GAS7: variants seen among roughly 807,000 people sequenced by gnomAD.
GAS7 encodes the protein growth arrest specific 7.
In GAS7, 28 loss-of-function variants were observed where a neutral mutation model predicts 71.1. That is an observed-to-expected ratio of 0.39 (90% CI 0.29 to 0.54). The LOEUF is 0.54. Ranked by LOEUF, GAS7 falls within the 20% of genes least tolerant of loss-of-function variation. The pLI, the probability that GAS7 is intolerant of heterozygous loss-of-function variation, is 0.62. For missense variants in GAS7, 436 were observed against 627.8 expected, an observed-to-expected ratio of 0.69 and a Z score of 3.27; for synonymous variants, 258 against 245.8, an observed-to-expected ratio of 1.05 and a Z score of -0.46.
At position 10,180,617 on chromosome 17, in the gene GAS7, C is replaced by T. The variant is rs376098689; in HGVS notation, c.183+17591G>A. ...GTTTGCTGCCCTATATATACAATGA[C>T]TTCATGGAATCTGAGTTATTTGCCC... On this transcript the variant is annotated intron_variant, in intron 1 of 13. Transcript: ENST00000432992. 5.3e-5 allele frequency among the ~76,000 whole-genome samples: 8 copies of T among 152,236 alleles called. 1 individual carries two copies. Among genetic ancestry groups the T allele is most frequent in the African/African-American group, 7.2e-5 (3 of 41,556 alleles).
chr17:10,016,948 T>TAAA (rs2072048074), intron 2 of GAS7, among the ~76,000 whole-genome samples: 2 of 146,404 alleles, frequency 1.4e-5, no homozygotes, highest in African/African-American at 5.1e-5. Context: ...AGACCCTGTC[T>TAAA]CAAATAAATA....
intron 1 of GAS7, among the ~76,000 whole-genome samples, chr17:10,175,955 C>T (rs906191093): frequency 3.3e-5 from 5 of 152,210 alleles, no homozygotes; most frequent in African/African-American, 1.2e-4. Flanking sequence ...TCCCCTGGGG[C>T]CCCTCACTGT....
chr17:9,973,234 G>A (rs1304217581), intron 3 of GAS7, among the ~76,000 whole-genome samples: 6 of 151,606 alleles, frequency 4.0e-5, no homozygotes, highest in African/African-American at 1.2e-4. Flanking sequence ...AGAAAACAAT[G>A]GCACAACAAA....
At chr17:10,172,825 A>G (rs1379101795) in intron 1 of GAS7, among the ~76,000 whole-genome samples, 2 of 152,244 alleles carry the variant, frequency 1.3e-5, no homozygotes, top group Non-Finnish European at 2.9e-5. Flanking sequence ...TAACCCATGC[A>G]GTCTCAACAA....
In GAS7 at chr17:9,937,629, G is replaced by A. The variant is rs568144752; in HGVS notation, c.806+2497C>T. Among the ~76,000 whole-genome samples the A allele has an allele frequency of 3.8e-4, 58 of 152,366 alleles. 2 individuals are homozygous for A. The highest frequency in any genetic ancestry group is 6.8e-3 in the Middle Eastern group (2 of 294). ...ACCATTCAAAGGAGGCCGCCTGGCTGCACAGCCAACCCATGTGGAGGGCTT... is the reference window on the plus strand; with the variant it reads ...ACCATTCAAAGGAGGCCGCCTGGCTACACAGCCAACCCATGTGGAGGGCTT... On this transcript the variant is annotated intron_variant, in intron 8 of 13. Coordinates refer to ENST00000432992, the MANE Select transcript of GAS7 (RefSeq NM_201433.2).
At chr17:10,134,731 TTATAGCCCTGTGAC>T (rs891277324) in intron 1 of GAS7, among the ~76,000 whole-genome samples, 68 of 152,212 alleles carry the variant, frequency 4.5e-4, no homozygotes, top group African/African-American at 1.5e-3. Context: ...AGCCACAGGG[TTATAGCCCTGTGAC>T]TATAGCCCTG....
rs767703355 is a variant in GAS7, at chr17:9,919,588, C to T, written c.1218+38G>A. ...CCACCAGGGGCTGCTCTGTGTCAGC[C>T]TCTGTACTGCCATGTCCACACATCC... On this transcript the variant is annotated intron_variant, in intron 12 of 13. Transcript: ENST00000432992. This position sits in a 1 kb window ranked among gnomAD's most constrained non-coding sequence, Gnocchi z 5.0. The T allele has an allele frequency of 4.1e-6, 6 of 1,463,050 alleles. No homozygotes were observed. The African/African-American group carries it at 6.9e-5, about 17-fold the overall frequency. 90.6% of individuals were successfully genotyped at this position (1,463,050 alleles called of 1,614,324 possible). A position where few individuals can be genotyped will look rare whatever the true frequency, so the allele number is the denominator to read the frequency against.
intron 1 of GAS7, among the ~76,000 whole-genome samples, chr17:10,044,337 G>A (rs1232440209): frequency 6.6e-6 from 1 of 152,204 alleles, no homozygotes; most frequent in Non-Finnish European, 1.5e-5. Flanking sequence ...CTCAACACCT[G>A]AGCTCACTGC....
At chr17:10,162,821 G>A (rs1268131770) in intron 1 of GAS7, among the ~76,000 whole-genome samples, 1 of 152,174 alleles carries the variant, frequency 6.6e-6, no homozygotes, top group African/African-American at 2.4e-5. Context: ...AAAGGACAAT[G>A]GAGTTACCAG....
intron 1 of GAS7, among the ~76,000 whole-genome samples, chr17:10,088,189 C>G (rs1347754431): frequency 6.7e-6 from 1 of 149,750 alleles, no homozygotes; most frequent in Non-Finnish European, 1.5e-5. Context: ...CCACTGCACT[C>G]CAGCCGGGGC....
intron 1 of GAS7, among the ~76,000 whole-genome samples, chr17:10,186,249 G>A (rs1035030234): frequency 1.3e-4 from 19 of 151,978 alleles, no homozygotes; most frequent in African/African-American, 3.4e-4. Context: ...GAGCTACCGC[G>A]CGTGGCCAGA....
intron 9 of GAS7, among the ~76,000 whole-genome samples, chr17:9,932,000 C>G (rs988327259): frequency 6.6e-6 from 1 of 152,054 alleles, no homozygotes; most frequent in Non-Finnish European, 1.5e-5. Context: ...GAGTGCTGAA[C>G]GTGGAAGTCC....
At chr17:9,998,917 C>G (rs1425487417) in intron 2 of GAS7, among the ~76,000 whole-genome samples, 1 of 152,164 alleles carries the variant, frequency 6.6e-6, no homozygotes, top group African/African-American at 2.4e-5. Flanking sequence ...TCCATCAAAG[C>G]ACACTGCCCT....
intron 2 of GAS7, among the ~76,000 whole-genome samples, chr17:10,013,186 T>C (rs1255551512): frequency 6.6e-6 from 1 of 151,904 alleles, no homozygotes; most frequent in East Asian, 1.9e-4. Context: ...GCAGCTGTTC[T>C]TATGAACCAG....
At chr17:10,064,118 G>A (rs555530815) in intron 1 of GAS7, among the ~76,000 whole-genome samples, 26 of 152,278 alleles carry the variant, frequency 1.7e-4, no homozygotes, top group South Asian at 4.1e-4. Context: ...CAGCAGCGGC[G>A]GCTGCTGCAG....
intron 1 of GAS7, among the ~76,000 whole-genome samples, chr17:10,074,191 A>T (rs1174668005): frequency 1.3e-5 from 2 of 152,192 alleles, no homozygotes; most frequent in African/African-American, 4.8e-5. Context: ...CCCAAAGGTC[A>T]TCGTAAGGAC....
At chr17:10,098,324 G>C (rs777593469) in intron 1 of GAS7, among the ~76,000 whole-genome samples, 11 of 152,196 alleles carry the variant, frequency 7.2e-5, no homozygotes, top group Non-Finnish European at 1.3e-4. Flanking sequence ...GACACCTCCA[G>C]CCACAACTCT....
At chr17:10,024,260 G>A (rs1265482569) in intron 1 of GAS7, among the ~76,000 whole-genome samples, 1 of 152,220 alleles carries the variant, frequency 6.6e-6, no homozygotes, top group Admixed American at 6.5e-5. Flanking sequence ...TGGCCACAGA[G>A]GGGCAAGAGC....
Position 9,919,746 on chromosome 17 carries a change from C to T in GAS7, c.1139-41G>A, listed in dbSNP as rs779531202. On this transcript the variant is annotated intron_variant, in intron 11 of 13. Coordinates refer to ENST00000432992, the MANE Select transcript of GAS7 (RefSeq NM_201433.2). This position sits in a 1 kb window ranked among gnomAD's most constrained non-coding sequence, Gnocchi z 5.0. Reference sequence around the variant, plus strand: ...AGTCACCATCATGAAGCATCCTATCCTCACCATGACTCTGTGCCCCACCCT... The same window carrying T: ...AGTCACCATCATGAAGCATCCTATCTTCACCATGACTCTGTGCCCCACCCT... 8 of 1,393,616 alleles carry T rather than the reference C, an allele frequency of 5.7e-6. No homozygotes were observed. The highest frequency in any genetic ancestry group is 8.2e-6 in the Non-Finnish European group (8 of 979,622). 86.3% of individuals were successfully genotyped at this position (1,393,616 alleles called of 1,614,324 possible). A position where few individuals can be genotyped will look rare whatever the true frequency, so the allele number is the denominator to read the frequency against.
Sources: allele counts gnomAD v4.1 joint callset (sites outside exome capture counted in the v4.1 genomes callset), GRCh38; gene constraint gnomAD v4.1.1; non-coding constraint Gnocchi (gnomAD v3.1); transcripts MANE v1.5; gene names NCBI Gene and HGNC (gene_info 2026-07-23, HGNC 2026-07-21).